The following RBFOX1 variants were observed in gnomAD, a reference collection of about 807,000 sequenced individuals.
RBFOX1 encodes the protein RNA binding fox-1 homolog 1, also known as RNA binding protein fox-1 homolog 1.
In RBFOX1, 8 loss-of-function variants were observed where a neutral mutation model predicts 57.7. That is an observed-to-expected ratio of 0.14 (90% CI 0.08 to 0.25). The LOEUF (loss-of-function observed/expected upper bound fraction) is 0.25, where lower values mean the gene tolerates loss of function less well. Among genes scored for constraint, RBFOX1 ranks in the 10% least tolerant of loss-of-function variants. The pLI, the probability that RBFOX1 is intolerant of heterozygous loss-of-function variation, is 1.00. For synonymous variants in RBFOX1, 326 were observed against 222.4 expected (o/e 1.47, Z -4.15); for missense variants, 611 against 548.5 (o/e 1.11, Z -1.14).
chr16:6,162,988 C>T (rs2096890920), intron 1 of RBFOX1, among the ~76,000 whole-genome samples: 1 of 152,134 alleles, frequency 6.6e-6, no homozygotes, highest in Admixed American at 6.5e-5. Flanking sequence ...CCTGCCTCAC[C>T]TTCCCAAAGT....
chr16:7,565,148 C>T (rs918995307), intron 5 of RBFOX1, among the ~76,000 whole-genome samples: 1 of 152,124 alleles, frequency 6.6e-6, no homozygotes, highest in African/African-American at 2.4e-5. Flanking sequence ...ATTCCCTGGG[C>T]TTACCATTAT....
intron 4 of RBFOX1, among the ~76,000 whole-genome samples, chr16:5,916,693 G>T (rs1467954517): frequency 6.6e-6 from 1 of 152,100 alleles, no homozygotes; most frequent in Non-Finnish European, 1.5e-5. Context: ...ACAGGTGGTT[G>T]TCAGGTGAGA....
intron 1 of RBFOX1, among the ~76,000 whole-genome samples, chr16:6,152,330 TTC>T (rs1040458747): frequency 6.6e-6 from 1 of 151,720 alleles, no homozygotes; most frequent in South Asian, 2.1e-4. Context: ...CTCTCTGTCT[TTC>T]TCTCTCTCTC....
chr16:5,924,990 T>G (rs1027442057), intron 4 of RBFOX1, among the ~76,000 whole-genome samples: 5 of 152,162 alleles, frequency 3.3e-5, no homozygotes, highest in African/African-American at 1.2e-4. Context: ...TTCCTTGGCT[T>G]TTTTAGTTAG....
chr16:6,265,176 C>T (rs2074318853), intron 1 of RBFOX1, among the ~76,000 whole-genome samples: 2 of 152,192 alleles, frequency 1.3e-5, no homozygotes, highest in African/African-American at 2.4e-5. Flanking sequence ...ACATTATGCT[C>T]TTCGCACACT....
chr16:7,313,329 T>C (rs2096363591), intron 4 of RBFOX1, among the ~76,000 whole-genome samples: 1 of 152,118 alleles, frequency 6.6e-6, no homozygotes, highest in Non-Finnish European at 1.5e-5. Flanking sequence ...CAGGAAGGGG[T>C]TGAGTGGAGA....
At chr16:6,664,254 C>G (rs2098718676) in intron 3 of RBFOX1, among the ~76,000 whole-genome samples, 1 of 152,164 alleles carries the variant, frequency 6.6e-6, no homozygotes, top group African/African-American at 2.4e-5. Context: ...CATTTTACAT[C>G]CTATGCAAAT....
chr16:5,323,098 C>G (rs934863668), intron 1 of RBFOX1, among the ~76,000 whole-genome samples: 1 of 152,168 alleles, frequency 6.6e-6, no homozygotes, highest in Non-Finnish European at 1.5e-5. Flanking sequence ...GGGAACATCT[C>G]CCTGATAAGG....
chr16:6,782,909 G>T (rs1335691705), intron 3 of RBFOX1, among the ~76,000 whole-genome samples: 1 of 152,084 alleles, frequency 6.6e-6, no homozygotes, highest in East Asian at 1.9e-4. Context: ...ATATCTGAGT[G>T]ATCCAGCATT....
intron 1 of RBFOX1, among the ~76,000 whole-genome samples, chr16:5,254,564 C>G (rs1030697112): frequency 7.9e-5 from 12 of 152,218 alleles, no homozygotes; most frequent in Admixed American, 7.9e-4. Flanking sequence ...GCAAAATTAA[C>G]ACTTCTCTTG....
intron 3 of RBFOX1, among the ~76,000 whole-genome samples, chr16:6,796,244 A>C (rs1426252502): frequency 2.0e-5 from 3 of 152,136 alleles, no homozygotes; most frequent in African/African-American, 7.2e-5. Flanking sequence ...AGAACAGTGA[A>C]GGAAAGACCC....
rs1330486973 is a variant in RBFOX1 at position 6,417,046 on chromosome 16, C to T, written c.-64+99989C>T. The stretch of plus-strand genomic sequence containing the variant: ...TATTTTTTTGAGACAGAGTCTCTCT[C>T]TGTCACCCAGGCTAAAGTACAATGG... On this transcript the variant is annotated intron_variant, in intron 2 of 15. Coordinates refer to ENST00000550418, the MANE Select transcript of RBFOX1 (RefSeq NM_018723.4). Among the ~76,000 whole-genome samples the T allele has an allele frequency of 3.3e-5, 5 of 152,246 alleles. No individual in the cohort carries two copies. In the East Asian group the frequency reaches 9.7e-4, roughly 29 times the overall value.
intron 4 of RBFOX1, among the ~76,000 whole-genome samples, chr16:5,876,518 A>G (rs1156912318): frequency 2.6e-5 from 4 of 152,150 alleles, no homozygotes; most frequent in Middle Eastern, 3.2e-3. Flanking sequence ...TTTTAAACCT[A>G]GAGAGAAAAA....
chr16:6,340,817 C>T (rs1599815406), intron 2 of RBFOX1, among the ~76,000 whole-genome samples: 2 of 152,256 alleles, frequency 1.3e-5, no homozygotes, highest in African/African-American at 4.8e-5. Flanking sequence ...TCCTTTTACG[C>T]AGCCCCTATT....
chr16:6,707,677 A>C (rs2063006686), intron 3 of RBFOX1, among the ~76,000 whole-genome samples: 1 of 152,168 alleles, frequency 6.6e-6, no homozygotes, highest in Non-Finnish European at 1.5e-5. Context: ...TTACAAGCCC[A>C]GGAGAGTGAT....
At chr16:7,069,998 A>T (rs1419436523) in intron 4 of RBFOX1, among the ~76,000 whole-genome samples, 1 of 152,164 alleles carries the variant, frequency 6.6e-6, no homozygotes, top group Non-Finnish European at 1.5e-5. Context: ...TGATCAGTGG[A>T]TATTCTCATC....
chr16:5,726,350 C>T (rs1283942375), intron 3 of RBFOX1, among the ~76,000 whole-genome samples: 1 of 152,132 alleles, frequency 6.6e-6, no homozygotes, highest in East Asian at 1.9e-4. Context: ...ATGACCGGCC[C>T]TCTCTAAATT....
intron 4 of RBFOX1, among the ~76,000 whole-genome samples, chr16:7,091,754 C>A (rs932172856): frequency 9.8e-5 from 15 of 152,298 alleles, no homozygotes; most frequent in African/African-American, 3.6e-4. Context: ...CATTTTCTTT[C>A]CTGAATGCTA....
intron 3 of RBFOX1, among the ~76,000 whole-genome samples, chr16:6,996,044 C>T (rs993265015): frequency 6.6e-6 from 1 of 152,160 alleles, no homozygotes; most frequent in Non-Finnish European, 1.5e-5. Flanking sequence ...TAACTGGTCC[C>T]CATGTTGATG....
Sources: gnomAD v4.1 joint callset for allele counts (sites outside exome capture counted in the v4.1 genomes callset) on GRCh38, gnomAD v4.1.1 for gene constraint, MANE v1.5 for transcripts, NCBI Gene and HGNC (gene_info 2026-07-23, HGNC 2026-07-21) for gene names.